SCN2A: variants seen among roughly 807,000 people sequenced by gnomAD.
SCN2A encodes the protein sodium voltage-gated channel alpha subunit 2, also known as sodium channel protein type 2 subunit alpha.
A neutral mutation model predicts 188.7 loss-of-function variants in SCN2A; 20 were observed. That is an observed-to-expected ratio of 0.11 (90% confidence interval 0.07 to 0.15). The LOEUF (loss-of-function observed/expected upper bound fraction) is 0.15, where lower values mean the gene tolerates loss of function less well. Among genes scored for constraint, SCN2A ranks in the 10% least tolerant of loss-of-function variants. The probability of loss-of-function intolerance (pLI) is 1.00; values close to 1 mark genes in which losing one functional copy is unlikely to be tolerated. For missense variants in SCN2A, 1,278 were observed against 2,445.0 expected (o/e 0.52, Z 10.07); for synonymous variants, 804 against 833.1 (o/e 0.97, Z 0.60).
intron 1 of SCN2A, chr2:165,272,804 A>G (rs911169262): frequency 5.1e-5 from 6 of 117,546 alleles, no homozygotes; most frequent in Non-Finnish European, 1.1e-4. Context: ...ACACACACAC[A>G]CAAATACAGT....
intron 16 of SCN2A, among the ~76,000 whole-genome samples, chr2:165,349,432 A>T (rs1161734324): frequency 6.6e-6 from 1 of 152,200 alleles, no homozygotes; most frequent in African/African-American, 2.4e-5. Context: ...TGCAGAATAG[A>T]TTTAAAGAGG....
At chr2:165,304,151 G>A (rs959342067) in intron 3 of SCN2A, among the ~76,000 whole-genome samples, 2 of 152,174 alleles carry the variant, frequency 1.3e-5, no homozygotes, top group African/African-American at 2.4e-5. Flanking sequence ...AGGCTGGAGT[G>A]CAATGGCGTG....
chr2:165,341,966 G>A lies in SCN2A; in HGVS notation c.2389-330G>A, dbSNP rs969267927. The stretch of plus-strand genomic sequence containing the variant: ...TGGTGATGGAAGCCCGCACTGCTAG[G>A]TAATCATTTGGTAAGTTTTTGGAGG... On this transcript the variant is annotated intron_variant, in intron 14 of 26. Transcript: ENST00000375437. Among the ~76,000 whole-genome samples the A allele has an allele frequency of 6.6e-5, 10 of 152,230 alleles. 1 individual carries two copies. The highest frequency in any genetic ancestry group is 3.3e-4 in the Admixed American group (5 of 15,300).
chr2:165,374,640 T>C, intron 21 of SCN2A, 45 bp from the exon 22 acceptor site: 1 of 1,586,258 alleles, frequency 6.3e-7, no homozygotes, highest in Non-Finnish European at 8.6e-7. Flanking sequence ...AAGTAAATAT[T>C]TGTTGTTGGC....
chr2:165,361,024 T>C (rs1034762632), intron 17 of SCN2A, among the ~76,000 whole-genome samples: 1 of 151,958 alleles, frequency 6.6e-6, no homozygotes. Context: ...AAGCTGAATA[T>C]TTTTATATTC....
At chr2:165,307,704 GC>G (rs200076216) in intron 3 of SCN2A, 143 bp from the exon 4 acceptor site, 1 of 650,166 alleles carries the variant, frequency 1.5e-6, no homozygotes, top group Non-Finnish European at 2.8e-6. Context: ...TATAGAAATG[GC>G]AAAAAAAAGG....
chr2:165,369,271 C>G (rs1308420225), intron 19 of SCN2A, among the ~76,000 whole-genome samples: 1 of 152,104 alleles, frequency 6.6e-6, no homozygotes, highest in Admixed American at 6.5e-5. Context: ...ACTATGAAGT[C>G]TCATTAGTGA....
intron 13 of SCN2A, 57 bp from the exon 14 acceptor site, chr2:165,331,273 A>C: frequency 7.7e-7 from 1 of 1,305,654 alleles, no homozygotes. Flanking sequence ...TTTAAACCAA[A>C]TCTGCTTAAT....
chr2:165,253,060 A>C (rs1042081020), intron 1 of SCN2A, among the ~76,000 whole-genome samples: 1 of 151,882 alleles, frequency 6.6e-6, no homozygotes, highest in Non-Finnish European at 1.5e-5. Context: ...TGAATGGGGG[A>C]CATTTGTAAG....
At chr2:165,267,977 A>G (rs1161737784) in intron 1 of SCN2A, 1 of 151,986 alleles carries the variant, frequency 6.6e-6, no homozygotes, top group African/African-American at 2.4e-5. Flanking sequence ...GGAGAAAACA[A>G]AAGTGTTGTA....
intron 5 of SCN2A, chr2:165,309,044 C>T (rs1217700739): frequency 8.5e-7 from 1 of 1,183,050 alleles, no homozygotes; most frequent in Non-Finnish European, 1.2e-6. Context: ...ATGACAATGC[C>T]ATTTTCCTCT....
rs1382196994 is a variant in SCN2A at position 165,323,212 on chromosome 2, C to T, written c.1728C>T (p.Ser576=). ...CTCCAAGACGCAACAGTAGGGCGAG[C>T]CTTTTCAGCTTCAGAGGTCGAGCAA... is the stretch of plus-strand genomic sequence containing the variant. The part of the protein sequence containing the change: ...LFSPRRNSRA[S]LFSFRGRAKD... Residue 576 remains serine (S), a synonymous_variant, in exon 12 of 27, where the codon AGC becomes AGT. Transcript: ENST00000375437. 1.9e-6 allele frequency: 3 copies of T among 1,614,074 alleles called. No individual in the cohort carries two copies. Among genetic ancestry groups the T allele is most frequent in the South Asian group, 1.1e-5 (1 of 91,086 alleles).
At chr2:165,286,258 A>C (rs753664582) in intron 1 of SCN2A, among the ~76,000 whole-genome samples, 10 of 152,158 alleles carry the variant, frequency 6.6e-5, no homozygotes, top group Non-Finnish European at 1.2e-4. Flanking sequence ...CAACATTAAC[A>C]TCTGGTTAGT....
chr2:165,320,414 C>T (rs1031765920), intron 11 of SCN2A: 5 of 152,252 alleles, frequency 3.3e-5, no homozygotes, highest in African/African-American at 1.2e-4. Flanking sequence ...GTCTGGAGGA[C>T]AGTGGCTCTC....
Position 165,331,355 on chromosome 2 carries a change from C to T in SCN2A, c.2175C>T (p.Cys725=), listed in dbSNP as rs768349308. The change falls in exon 14 of 27, where the codon TGC becomes TGT. Residue 725 remains cysteine, a synonymous_variant. Transcript: ENST00000375437. ...MEELEESRQK[C]PPCWYKFANM... ...AACTTGAAGAATCCAGACAGAAATG[C>T]CCACCATGCTGGTATAAATTTGCTA... 8.7e-6 allele frequency: 14 copies of T among 1,613,552 alleles called. No homozygotes were observed. The East Asian group carries it at 3.1e-4, about 36-fold the overall frequency.
At chr2:165,287,163 C>A (rs1695876727) in intron 1 of SCN2A, among the ~76,000 whole-genome samples, 1 of 152,198 alleles carries the variant, frequency 6.6e-6, no homozygotes, top group Admixed American at 6.5e-5. Flanking sequence ...GCCAAGCAGG[C>A]AACTTGAGAG....
At position 165,389,816 on chromosome 2, in the gene SCN2A, A is replaced by G. The variant is rs769884541; in HGVS notation, c.6010A>G (p.Lys2004Glu). ...EDKGKDIRES[K>E]K ...CAAAGGGAAAGATATCAGGGAAAGT[A>G]AAAAGTAAAAAGAAACCAAGAATTT... Residue 2004 changes from lysine (K) to glutamate (E), a missense_variant, in exon 27 of 27, where the codon AAA becomes GAA. This residue lies in a region of SCN2A where 109 missense variants were observed against 137.9 expected (regional missense o/e 0.79). Transcript: ENST00000375437. The surrounding 1 kb of genome is among the most constrained non-coding windows in gnomAD (Gnocchi z 4.2). The G allele has an allele frequency of 6.2e-7, 1 of 1,606,292 alleles. No individual in the cohort carries two copies. The highest frequency in any genetic ancestry group is 1.1e-5 in the South Asian group (1 of 90,152).
Position 165,352,551 on chromosome 2 carries a change from C to T in SCN2A, c.2920-1641C>T, listed in dbSNP as rs77653645. Among the ~76,000 whole-genome samples the T allele has an allele frequency of 2.0e-5, 3 of 152,100 alleles. No individual in the cohort carries two copies. In the East Asian group the frequency reaches 5.8e-4, roughly 29 times the overall value. On this transcript the variant is annotated intron_variant, in intron 16 of 26. Transcript: ENST00000375437. ...TACTTTTGTACTACAGTTTGAGCATCCCTAATCTGAAAATTTGAAATCCAA... is the reference window on the plus strand; with the variant it reads ...TACTTTTGTACTACAGTTTGAGCATTCCTAATCTGAAAATTTGAAATCCAA...
At chr2:165,347,089 T>C (rs1278685029) in intron 16 of SCN2A, among the ~76,000 whole-genome samples, 1 of 152,192 alleles carries the variant, frequency 6.6e-6, no homozygotes, top group East Asian at 1.9e-4. Flanking sequence ...ATCCCATAAC[T>C]GGGTATATAC....
Sources: allele counts gnomAD v4.1 joint callset (sites outside exome capture counted in the v4.1 genomes callset), GRCh38; gene constraint gnomAD v4.1.1; regional missense constraint gnomAD v4.1.1; non-coding constraint Gnocchi (gnomAD v3.1); transcripts MANE v1.5; gene names NCBI Gene and HGNC (gene_info 2026-07-23, HGNC 2026-07-21).